Variants in TMEM270 observed in about 807,000 individuals in gnomAD.
The protein encoded by TMEM270 is transmembrane protein 270.
In TMEM270, 30 loss-of-function variants were observed where a neutral mutation model predicts 29.9. The ratio of observed to expected loss-of-function variants is 1.00; its 90% CI spans 0.75 to 1.36. The LOEUF is 1.36. TMEM270 is among the 40% of genes most tolerant of loss of function. TMEM270 has a pLI of 0.00. For synonymous variants in TMEM270, 135 were observed against 139.8 expected, an observed-to-expected ratio of 0.97 and a Z score of 0.24; for missense variants, 313 against 307.1, an observed-to-expected ratio of 1.02 and a Z score of -0.14.
rs1396477584 is a variant in TMEM270, at chr7:73,865,608, T to C, written c.533T>C (p.Leu178Pro). Residue 178 changes from leucine to proline, a missense_variant, in exon 3 of 3, where the codon CTC becomes CCC. Physicochemically the swap from Leu to Pro is moderately conservative, Grantham distance 98. Coordinates refer to ENST00000320531, the MANE Select transcript of TMEM270 (RefSeq NM_182504.4). ...CAAGTGAACTGCGTGGTAAGGAAGCTCCTGGTACAGCTGAGACGTCTGTAT... is the reference window on the plus strand; with the variant it reads ...CAAGTGAACTGCGTGGTAAGGAAGCCCCTGGTACAGCTGAGACGTCTGTAT... ...ALQVNCVVRK[L>P]LVQLRRLYWW... 1 of 1,614,046 alleles carries C rather than the reference T, an allele frequency of 6.2e-7. No individual in the cohort carries two copies. Among genetic ancestry groups the C allele is most frequent in the Non-Finnish European group, 8.5e-7 (1 of 1,179,950 alleles).
chr7:73,864,101 G>T (rs1788845988), intron 1 of TMEM270, among the ~76,000 whole-genome samples: 1 of 96,340 alleles, frequency 1.0e-5, no homozygotes, highest in Admixed American at 1.5e-4. Flanking sequence ...AACATAGCAA[G>T]ACCCCGCCTC....
chr7:73,864,408 A>G (rs182799975), intron 1 of TMEM270, among the ~76,000 whole-genome samples: 2 of 152,234 alleles, frequency 1.3e-5, no homozygotes, highest in East Asian at 3.9e-4. Context: ...CAGCGTGGAC[A>G]ACAGAGTGAG....
intron 1 of TMEM270, among the ~76,000 whole-genome samples, chr7:73,862,019 G>C (rs1469378271): frequency 6.7e-6 from 1 of 149,422 alleles, no homozygotes; most frequent in Non-Finnish European, 1.5e-5. Context: ...GGATGGTCTC[G>C]ATCTCCTGAC....
Position 73,865,391 on chromosome 7 carries a change from C to T in TMEM270, c.471C>T (p.His157=). ...CCTGGAGGGTGTGTCAGAAGTCCCA[C>T]TGCTTCCGACTGGGCAGGCAGCTCA... ...VVTWRVCQKS[H]CFRLGRQLSK... is the part of the protein sequence containing the mutation. The change falls in exon 2 of 3, where the codon CAC becomes CAT. Residue 157 remains histidine, a synonymous_variant. Coordinates refer to ENST00000320531, the MANE Select transcript of TMEM270 (RefSeq NM_182504.4). The T allele has an allele frequency of 6.2e-7, 1 of 1,612,746 alleles. No individual in the cohort carries two copies. Among genetic ancestry groups the T allele is most frequent in the East Asian group, 2.2e-5 (1 of 44,864 alleles).
chr7:73,862,112 C>CTTT (rs782562367), intron 1 of TMEM270, among the ~76,000 whole-genome samples: 1 of 139,232 alleles, frequency 7.2e-6, no homozygotes, highest in Non-Finnish European at 1.6e-5. Flanking sequence ...ATCTCTCTCT[C>CTTT]TTTTTTTTTT....
At chr7:73,864,925 A>C (rs1788866787) in intron 1 of TMEM270, 68 bp from the exon 2 acceptor site, 10 of 1,315,560 alleles carry the variant, frequency 7.6e-6, no homozygotes, top group Non-Finnish European at 1.0e-5. Flanking sequence ...AAAGAAAAAG[A>C]AAAAGTGGGG....
Position 73,865,827 on chromosome 7 carries a change from C to A in TMEM270, c.752C>A (p.Ser251Ter). 1 of 1,613,494 alleles carries A rather than the reference C, an allele frequency of 6.2e-7. No individual in the cohort carries two copies. The highest frequency in any genetic ancestry group is 8.5e-7 in the Non-Finnish European group (1 of 1,179,968). ...CCCTCACTGTCTGCGTCCTCGGACT[C>A]AGAGTCTGGAACAGTTTTGCCAGAG... The part of the protein sequence containing the change: ...LLPSLSASSD[S>*]ESGTVLPEQE... Residue 251 changes from serine to a stop codon, truncating the protein, a stop_gained, in exon 3 of 3, where the codon TCA (serine) becomes TAA (stop). Transcript: ENST00000320531. LOFTEE classifies it high-confidence loss of function.
chr7:73,864,011 C>T (rs1290706166), intron 1 of TMEM270, among the ~76,000 whole-genome samples: 1 of 150,198 alleles, frequency 6.7e-6, no homozygotes, highest in African/African-American at 2.4e-5. Flanking sequence ...GGTATAGTGG[C>T]TCATGCCTGC....
At chr7:73,863,219 G>A (rs1244076101) in intron 1 of TMEM270, among the ~76,000 whole-genome samples, 2 of 152,034 alleles carry the variant, frequency 1.3e-5, no homozygotes, top group African/African-American at 4.8e-5. Context: ...GGGATGGGGG[G>A]TCCAGGTGGG....
chr7:73,863,100 AC>A (rs1788821767), intron 1 of TMEM270, among the ~76,000 whole-genome samples: 1 of 151,640 alleles, frequency 6.6e-6, no homozygotes. Context: ...TCCCTGCTGG[AC>A]CCTTTGGTCT....
In TMEM270 at chr7:73,865,714, C is replaced by T. The variant is rs1036823178; in HGVS notation, c.639C>T (p.His213=). Residue 213 remains histidine, a synonymous_variant, in exon 3 of 3, where the codon CAC becomes CAT. Coordinates refer to ENST00000320531, the MANE Select transcript of TMEM270 (RefSeq NM_182504.4). ...CCTGGACCACCTGCCTGGCCTCCCA[C>T]CTGCTGCAGGCTGCCTTTGAGCACA... ...LITWTTCLAS[H]LLQAAFEHTT... The T allele has an allele frequency of 6.8e-6, 11 of 1,614,004 alleles. No individual in the cohort carries two copies. The highest frequency in any genetic ancestry group is 1.3e-5 in the African/African-American group (1 of 74,914).
intron 1 of TMEM270, 132 bp downstream of exon 1, chr7:73,861,398 T>A: frequency 1.3e-6 from 1 of 759,486 alleles, no homozygotes; most frequent in Non-Finnish European, 2.2e-6. Flanking sequence ...CCTTCCAGAA[T>A]AATCTGACAT....
At chr7:73,864,701 G>C (rs1485197777) in intron 1 of TMEM270, among the ~76,000 whole-genome samples, 1 of 151,824 alleles carries the variant, frequency 6.6e-6, no homozygotes. Context: ...TCAGGAGTTC[G>C]AGACCAGCCT....
At chr7:73,864,486 G>A (rs1488528770) in intron 1 of TMEM270, among the ~76,000 whole-genome samples, 1 of 152,018 alleles carries the variant, frequency 6.6e-6, no homozygotes, top group African/African-American at 2.4e-5. Flanking sequence ...ACCTTCTAAT[G>A]TTCCCTTCTC....
intron 1 of TMEM270, among the ~76,000 whole-genome samples, chr7:73,862,919 T>G (rs1338738442): frequency 6.6e-6 from 1 of 151,484 alleles, no homozygotes; most frequent in East Asian, 1.9e-4. Flanking sequence ...CTTGGCTGTT[T>G]TACCCTCTAG....
intron 1 of TMEM270, among the ~76,000 whole-genome samples, chr7:73,862,444 G>A (rs1356170821): frequency 6.6e-6 from 1 of 151,884 alleles, no homozygotes; most frequent in Non-Finnish European, 1.5e-5. Flanking sequence ...TTGTGGTCGG[G>A]GTCACAACTC....
chr7:73,865,348 T>C lies in TMEM270; in HGVS notation c.428T>C (p.Leu143Ser). 6.2e-7 allele frequency: 1 copy of C among 1,613,744 alleles called. No homozygotes were observed. The highest frequency in any genetic ancestry group is 1.6e-4 in the Middle Eastern group (1 of 6,062). The change falls in exon 2 of 3, where the codon TTG becomes TCG. Residue 143 changes from leucine (L) to serine (S), a missense_variant. Physicochemically the swap from Leu to Ser is moderately radical, Grantham distance 145. Coordinates refer to ENST00000320531, the MANE Select transcript of TMEM270 (RefSeq NM_182504.4). ...CTGCACGGCCTGATGTTGGTGGCCTTGCTCTTGGTGGTAGTGACCTGGAGG... is the reference window on the plus strand; with the variant it reads ...CTGCACGGCCTGATGTTGGTGGCCTCGCTCTTGGTGGTAGTGACCTGGAGG... Reference protein sequence around the residue: ...SCLHGLMLVALLLVVVTWRVC... With the variant: ...SCLHGLMLVASLLVVVTWRVC...
At position 73,865,199 on chromosome 7, in the gene TMEM270, G is replaced by A. The variant is rs782609664; in HGVS notation, c.279G>A (p.Gln93=). ...LIQVPVWLVL[Q]GPRLMWAGMW... ...AGGTCCCCGTATGGCTGGTGCTACAGGGACCCAGGCTGATGTGGGCTGGCA... is the reference window on the plus strand; with the variant it reads ...AGGTCCCCGTATGGCTGGTGCTACAAGGACCCAGGCTGATGTGGGCTGGCA... Residue 93 remains glutamine, a synonymous_variant, in exon 2 of 3, where the codon CAG becomes CAA. Coordinates refer to ENST00000320531, the MANE Select transcript of TMEM270 (RefSeq NM_182504.4). 3.7e-6 allele frequency: 6 copies of A among 1,613,786 alleles called. No individual in the cohort carries two copies. The South Asian group carries it at 6.6e-5, about 18-fold the overall frequency.
upstream of TMEM270, chr7:73,861,062 G>C (rs1788762841): frequency 1.2e-6 from 1 of 811,618 alleles, no homozygotes; most frequent in East Asian, 2.6e-5. Context: ...GGAAGCAGTG[G>C]AGCGGCAGGA....
Sources: allele counts gnomAD v4.1 joint callset (sites outside exome capture counted in the v4.1 genomes callset), GRCh38; gene constraint gnomAD v4.1.1; transcripts MANE v1.5; gene names NCBI Gene and HGNC (gene_info 2026-07-23, HGNC 2026-07-21).